The following HEATR4 variants were observed in gnomAD, a reference collection of about 807,000 sequenced individuals.
HEATR4 encodes HEAT repeat-containing protein 4.
A neutral mutation model predicts 108.8 loss-of-function variants in HEATR4; 95 were observed. The observed-to-expected ratio is 0.87, with a 90% CI of 0.74 to 1.04. The LOEUF is 1.04. Among genes scored for constraint, HEATR4 ranks in the 50% least tolerant of loss-of-function variants. The pLI is 0.00. For synonymous variants in HEATR4, 443 were observed against 459.4 expected, an observed-to-expected ratio of 0.96 and a Z score of 0.46; for missense variants, 1,152 against 1,253.8, an observed-to-expected ratio of 0.92 and a Z score of 1.23.
the HEATR4 span, among the ~76,000 whole-genome samples, chr14:73,593,323 CT>C: frequency 1.4e-5 from 2 of 142,366 alleles, no homozygotes; most frequent in South Asian, 4.4e-4. Flanking sequence ...AATCTTTTTT[CT>C]TTTCTTTCTT....
At chr14:73,628,695 G>A in the HEATR4 span, among the ~76,000 whole-genome samples, 3 of 151,698 alleles carry the variant, frequency 2.0e-5, no homozygotes, top group Non-Finnish European at 2.9e-5. Flanking sequence ...GGAGGTTTCA[G>A]TGAGCTGAGA....
chr14:73,486,358 A>G (rs1195203481), intron 17 of HEATR4, among the ~76,000 whole-genome samples: 1 of 152,068 alleles, frequency 6.6e-6, no homozygotes, highest in Non-Finnish European at 1.5e-5. Flanking sequence ...TCTCTTTCTC[A>G]CCATCTCCCT....
At chr14:73,628,551 T>G in the HEATR4 span, among the ~76,000 whole-genome samples, 1 of 151,524 alleles carries the variant, frequency 6.6e-6, no homozygotes, top group Admixed American at 6.6e-5. Flanking sequence ...GTCAAGAGTT[T>G]GAGACCAGCC....
chr14:73,606,648 A>T, the HEATR4 span, among the ~76,000 whole-genome samples: 3 of 152,212 alleles, frequency 2.0e-5, no homozygotes, highest in Non-Finnish European at 4.4e-5. Flanking sequence ...TACCAAAGGT[A>T]ACCTCCCAGG....
chr14:73,562,752 A>C (rs1889548198), upstream of HEATR4, among the ~76,000 whole-genome samples: 1 of 151,980 alleles, frequency 6.6e-6, no homozygotes, highest in African/African-American at 2.4e-5. Flanking sequence ...CAGAACCCTC[A>C]GGCTTACTAG....
chr14:73,510,690 C>T (rs2140279060), intron 7 of HEATR4, among the ~76,000 whole-genome samples: 1 of 152,298 alleles, frequency 6.6e-6, no homozygotes. Flanking sequence ...CCTGCCTTGG[C>T]CTTCCAAAGT....
chr14:73,604,415 T>C, the HEATR4 span, among the ~76,000 whole-genome samples: 1 of 151,912 alleles, frequency 6.6e-6, no homozygotes, highest in Non-Finnish European at 1.5e-5. Context: ...TCCACCCACC[T>C]CGGCCTCTGA....
chr14:73,576,864 TTG>T, the HEATR4 span, among the ~76,000 whole-genome samples: 4,991 of 141,370 alleles, frequency 0.035, 179 homozygotes, highest in Middle Eastern at 0.063. Context: ...CACAATAAAC[TTG>T]TTTTTTTTTT....
the HEATR4 span, chr14:73,569,209 G>T: frequency 6.2e-7 from 1 of 1,609,500 alleles, no homozygotes; most frequent in Non-Finnish European, 8.5e-7. Flanking sequence ...CTGCCCTAGT[G>T]GGCGCTTAGC....
At chr14:73,608,281 G>A in the HEATR4 span, among the ~76,000 whole-genome samples, 1 of 152,152 alleles carries the variant, frequency 6.6e-6, no homozygotes, top group African/African-American at 2.4e-5. Context: ...TTTATGCTCT[G>A]CTTCCTCTTG....
chr14:73,507,633 A>C (rs1343632358), intron 9 of HEATR4, among the ~76,000 whole-genome samples: 3 of 151,908 alleles, frequency 2.0e-5, no homozygotes, highest in African/African-American at 7.3e-5. Flanking sequence ...ACAGGGTCTC[A>C]CTATATTGCC....
intron 5 of HEATR4, 70 bp downstream of exon 5, chr14:73,518,953 G>C (rs1477299338): frequency 6.8e-7 from 1 of 1,481,142 alleles, no homozygotes; most frequent in African/African-American, 1.4e-5. Context: ...CACATGAATA[G>C]TGGGTAATGA....
chr14:73,620,483 G>A, the HEATR4 span, among the ~76,000 whole-genome samples: 6 of 152,236 alleles, frequency 3.9e-5, no homozygotes, highest in Admixed American at 2.0e-4. Context: ...TTGCTCTGGA[G>A]TCTCATATCC....
chr14:73,603,290 G>A, the HEATR4 span, among the ~76,000 whole-genome samples: 4 of 152,128 alleles, frequency 2.6e-5, no homozygotes, highest in South Asian at 2.1e-4. Context: ...ATATTTGAAC[G>A]TAATTTAGAA....
At chr14:73,583,343 C>T in the HEATR4 span, among the ~76,000 whole-genome samples, 2 of 92,898 alleles carry the variant, frequency 2.2e-5, no homozygotes, top group East Asian at 4.5e-4. Context: ...AGTGAGACTC[C>T]GTCTCAAAAA....
intron 10 of HEATR4, among the ~76,000 whole-genome samples, chr14:73,504,639 C>A (rs1886694102): frequency 6.6e-6 from 1 of 152,164 alleles, no homozygotes; most frequent in African/African-American, 2.4e-5. Context: ...AGAACTAACC[C>A]AAGTCCAAAA....
At position 73,537,336 on chromosome 14, in the gene HEATR4, G is replaced by A; in HGVS notation, c.-151-7092C>T. 2.6e-6 allele frequency: 3 copies of A among 1,134,464 alleles called. 1 individual carries two copies. Among genetic ancestry groups the A allele is most frequent in the Non-Finnish European group, 2.4e-6 (2 of 849,854 alleles). The allele number at this position is 1,134,464 out of a possible 1,614,324, so 70.3% of individuals were successfully genotyped here. ...CCCTAGTGGGCGTTTAGCCTGCGACGGCAGCCCGAGAGGAAGAGTTGGGCA... is the reference window on the plus strand; with the variant it reads ...CCCTAGTGGGCGTTTAGCCTGCGACAGCAGCCCGAGAGGAAGAGTTGGGCA... On this transcript the variant is annotated intron_variant, in intron 1 of 17. Transcript: ENST00000553558.
intron 17 of HEATR4, chr14:73,491,412 T>C: frequency 3.0e-6 from 4 of 1,346,616 alleles, no homozygotes; most frequent in Non-Finnish European, 2.8e-6. Flanking sequence ...CCCGCGCGCC[T>C]GGTGGAGGTG....
chr14:73,506,816 T>G (rs1247564554), intron 9 of HEATR4, among the ~76,000 whole-genome samples: 1 of 136,174 alleles, frequency 7.3e-6, no homozygotes, highest in Non-Finnish European at 1.5e-5. Flanking sequence ...TTTTTTTTTT[T>G]TTTTTTTTTC....
Sources: gnomAD v4.1 joint callset for allele counts (sites outside exome capture counted in the v4.1 genomes callset) on GRCh38, gnomAD v4.1.1 for gene constraint, MANE v1.5 for transcripts, NCBI Gene and HGNC (gene_info 2026-07-23, HGNC 2026-07-21) for gene names.